The following DCTN4 variants were observed in gnomAD, a reference collection of about 807,000 sequenced individuals.
DCTN4 encodes dynactin 4 (p62).
Under a neutral mutation model 62.7 loss-of-function variants are expected in DCTN4, and 23 were observed. That is an observed-to-expected ratio of 0.37 (90% CI 0.26 to 0.52). The LOEUF (loss-of-function observed/expected upper bound fraction) is 0.52, where lower values mean the gene tolerates loss of function less well. Ranked by LOEUF, DCTN4 falls within the 20% of genes least tolerant of loss-of-function variation. The pLI, the probability that DCTN4 is intolerant of heterozygous loss-of-function variation, is 0.92. For missense variants in DCTN4, 514 were observed against 580.4 expected, an observed-to-expected ratio of 0.89 and a Z score of 1.18; for synonymous variants, 199 against 202.1, an observed-to-expected ratio of 0.98 and a Z score of 0.13.
At chr5:150,743,865 C>T (rs1450275600) in intron 3 of DCTN4, among the ~76,000 whole-genome samples, 5 of 152,144 alleles carry the variant, frequency 3.3e-5, no homozygotes, top group Non-Finnish European at 7.3e-5. Context: ...AAACTGGAAA[C>T]TCTAAAAAGC....
At chr5:150,738,002 A>G (rs1336256084) in intron 4 of DCTN4, among the ~76,000 whole-genome samples, 1 of 152,142 alleles carries the variant, frequency 6.6e-6, no homozygotes. Flanking sequence ...ATGCACACAA[A>G]CTGGAAAACC....
At chr5:150,715,718 G>T in intron 11 of DCTN4, 56 bp from the exon 12 acceptor site, 1 of 1,387,642 alleles carries the variant, frequency 7.2e-7, no homozygotes, top group Non-Finnish European at 1.0e-6. Flanking sequence ...ACAGAATATA[G>T]CAAAGTACGA....
intron 3 of DCTN4, among the ~76,000 whole-genome samples, chr5:150,747,306 A>G (rs1752487242): frequency 6.6e-6 from 1 of 152,236 alleles, no homozygotes; most frequent in Admixed American, 6.5e-5. Context: ...AAACAAATGG[A>G]AGAACATTCC....
intron 4 of DCTN4, among the ~76,000 whole-genome samples, chr5:150,738,375 T>C (rs746306946): frequency 1.3e-5 from 2 of 152,090 alleles, no homozygotes; most frequent in Non-Finnish European, 1.5e-5. Context: ...AACGAAATAC[T>C]AGTTAACTGG....
chr5:150,735,155 C>T (rs780105929), intron 4 of DCTN4, among the ~76,000 whole-genome samples: 5 of 152,178 alleles, frequency 3.3e-5, no homozygotes, highest in Non-Finnish European at 5.9e-5. Context: ...AGCTTGTATC[C>T]CCACCACACT....
intron 8 of DCTN4, among the ~76,000 whole-genome samples, chr5:150,725,637 T>G (rs557137630): frequency 1.3e-5 from 2 of 152,326 alleles, no homozygotes; most frequent in East Asian, 3.9e-4. Context: ...ATATACTGTA[T>G]AGCTAAGCAC....
At chr5:150,728,832 A>G (rs915185457) in intron 8 of DCTN4, among the ~76,000 whole-genome samples, 17 of 151,880 alleles carry the variant, frequency 1.1e-4, no homozygotes, top group African/African-American at 3.9e-4. Flanking sequence ...ATTTAATGTA[A>G]ATACTGATAC....
In DCTN4 at chr5:150,713,810, T is replaced by C. The variant is rs1467352906; in HGVS notation, c.1169+1755A>G. Among the ~76,000 whole-genome samples, 3 of 151,992 alleles carry C rather than the reference T, an allele frequency of 2.0e-5. No homozygotes were observed. The East Asian group carries it at 5.8e-4, about 30-fold the overall frequency. On this transcript the variant is annotated intron_variant, in intron 12 of 12. Coordinates refer to ENST00000447998, the MANE Select transcript of DCTN4 (RefSeq NM_016221.4). The stretch of plus-strand genomic sequence containing the variant: ...AATATCTTGTTGAGAAAGCTTTTGA[T>C]CATTCTGTCAAAAAACCGTAAATGG...
rs961665152 is a variant in DCTN4 at position 150,710,576 on chromosome 5, T to C, written c.*573A>G. ...ACAACTTCACAGGTTTTTCCAATCA[T>C]CATGATACTAAAGATAAAGTGACAA... On this transcript the variant is annotated 3_prime_UTR_variant, in exon 13 of 13. Transcript: ENST00000447998. 4 of 154,070 alleles carry C rather than the reference T, an allele frequency of 2.6e-5. No homozygotes were observed. Among genetic ancestry groups the C allele is most frequent in the African/African-American group, 9.6e-5 (4 of 41,468 alleles). 9.5% of individuals were successfully genotyped at this position (154,070 alleles called of 1,614,324 possible).
intron 4 of DCTN4, among the ~76,000 whole-genome samples, chr5:150,736,877 A>G (rs1307432480): frequency 6.6e-6 from 1 of 152,192 alleles, no homozygotes; most frequent in African/African-American, 2.4e-5. Context: ...AGACTCACCT[A>G]ACACCTAAGG....
intron 1 of DCTN4, chr5:150,758,531 TTAAGTGGCC>T: frequency 9.8e-7 from 1 of 1,022,982 alleles, no homozygotes; most frequent in Non-Finnish European, 1.2e-6. Flanking sequence ...TTTTCGCCCC[TTAAGTGGCC>T]TGAACTAAGC....
intron 4 of DCTN4, among the ~76,000 whole-genome samples, chr5:150,741,360 A>G (rs1760763450): frequency 6.6e-6 from 1 of 152,216 alleles, no homozygotes; most frequent in Admixed American, 6.5e-5. Context: ...ACTTGTGTGT[A>G]GATGTATAGC....
At chr5:150,743,119 C>G (rs969755067) in intron 3 of DCTN4, 7 of 152,826 alleles carry the variant, frequency 4.6e-5, no homozygotes, top group African/African-American at 1.7e-4. Flanking sequence ...GCCACTCCCA[C>G]CCGAATACTG....
intron 7 of DCTN4, 148 bp downstream of exon 7, chr5:150,730,896 T>C: frequency 1.3e-6 from 1 of 772,320 alleles, no homozygotes; most frequent in South Asian, 1.8e-5. Flanking sequence ...TTCAAACAAT[T>C]ACCTCTATTA....
At chr5:150,724,006 G>A (rs971304612) in intron 8 of DCTN4, among the ~76,000 whole-genome samples, 8 of 152,092 alleles carry the variant, frequency 5.3e-5, no homozygotes, top group South Asian at 2.1e-4. Flanking sequence ...GTAATGCAGC[G>A]ATGAGTGTTC....
chr5:150,734,732 C>T (rs149045164), intron 4 of DCTN4, among the ~76,000 whole-genome samples: 89 of 152,316 alleles, frequency 5.8e-4, no homozygotes, highest in African/African-American at 2.1e-3. Context: ...GGCTAGCTTG[C>T]TTTTTCAGCA....
intron 12 of DCTN4, 80 bp downstream of exon 12, chr5:150,715,485 T>A (rs1209083289): frequency 3.6e-6 from 4 of 1,111,244 alleles, no homozygotes; most frequent in Non-Finnish European, 5.2e-6. Context: ...TTTTAAAAAA[T>A]CCAGACAAGA....
Position 150,715,094 on chromosome 5 carries a change from T to G in DCTN4, c.1169+471A>C, listed in dbSNP as rs191019309. The stretch of plus-strand genomic sequence containing the variant: ...TTCTCTGATGGTCACAGTCCCCAGT[T>G]ACTGGAAGGTTTGGTTCTTTTCAGT... On this transcript the variant is annotated intron_variant, in intron 12 of 12. Transcript: ENST00000447998. Among the ~76,000 whole-genome samples, 484 of 150,854 alleles carry G rather than the reference T, an allele frequency of 3.2e-3. 3 individuals are homozygous for G. Among genetic ancestry groups the G allele is most frequent in the African/African-American group, 0.011 (464 of 40,968 alleles).
chr5:150,742,468 C>G (rs1055236863), intron 3 of DCTN4, among the ~76,000 whole-genome samples: 3 of 152,162 alleles, frequency 2.0e-5, no homozygotes, highest in African/African-American at 7.2e-5. Flanking sequence ...GAAACTGAGG[C>G]TCAGAGATGT....
Sources: gnomAD v4.1 joint callset for allele counts (sites outside exome capture counted in the v4.1 genomes callset) on GRCh38, gnomAD v4.1.1 for gene constraint, MANE v1.5 for transcripts, NCBI Gene and HGNC (gene_info 2026-07-23, HGNC 2026-07-21) for gene names.